The following VIL1 variants were observed in gnomAD, a reference collection of about 807,000 sequenced individuals.
VIL1 encodes the protein villin-1.
In VIL1, 86 loss-of-function variants were observed where a neutral mutation model predicts 104.0. That is an observed-to-expected ratio of 0.83 (90% CI 0.69 to 0.99). The LOEUF (loss-of-function observed/expected upper bound fraction) is 0.99, where lower values mean the gene tolerates loss of function less well. VIL1 is among the 50% of genes least tolerant of loss of function. VIL1 has a pLI of 0.00. For synonymous variants in VIL1, 394 were observed against 412.6 expected (o/e 0.95, Z 0.55); for missense variants, 944 against 1,054.1 (o/e 0.90, Z 1.45).
intron 10 of VIL1, 110 bp downstream of exon 10, chr2:218,430,988 CT>C: frequency 1.4e-6 from 2 of 1,386,998 alleles, no homozygotes; most frequent in Non-Finnish European, 2.0e-6. Context: ...TCAACGAAGA[CT>C]TTTACGCTGG....
intron 3 of VIL1, among the ~76,000 whole-genome samples, 177 bp from the exon 4 acceptor site, chr2:218,425,438 C>G (rs1278369366): frequency 1.3e-5 from 2 of 152,218 alleles, no homozygotes; most frequent in Non-Finnish European, 2.9e-5. Flanking sequence ...AGCCATGTCT[C>G]AGAGAGTCAA....
chr2:218,425,184 G>A (rs1032412443), intron 3 of VIL1, among the ~76,000 whole-genome samples: 4 of 152,172 alleles, frequency 2.6e-5, no homozygotes, highest in Admixed American at 2.6e-4. Context: ...GGATTCAAGC[G>A]ATTCTCGTGG....
At chr2:218,427,900 G>T in intron 4 of VIL1, 65 bp from the exon 5 acceptor site, 2 of 1,505,228 alleles carry the variant, frequency 1.3e-6, no homozygotes, top group South Asian at 2.3e-5. Flanking sequence ...GCCAGGACCT[G>T]GGAGAACAGG....
At chr2:218,448,438 G>T (rs974106681) in intron 19 of VIL1, among the ~76,000 whole-genome samples, 1 of 151,862 alleles carries the variant, frequency 6.6e-6, no homozygotes, top group African/African-American at 2.4e-5. Flanking sequence ...GGTGCCAGGT[G>T]CCTGTAGTCC....
At chr2:218,442,731 A>G (rs1006015892) in intron 19 of VIL1, among the ~76,000 whole-genome samples, 2 of 152,240 alleles carry the variant, frequency 1.3e-5, no homozygotes. Context: ...ACTCTGTATA[A>G]TAAGTCATAA....
chr2:218,440,766 C>T lies in VIL1; in HGVS notation c.2274C>T (p.Asn758=), dbSNP rs780169822. 1.9e-6 allele frequency: 3 copies of T among 1,614,042 alleles called. No individual in the cohort carries two copies. Among genetic ancestry groups the T allele is most frequent in the African/African-American group, 1.3e-5 (1 of 74,904 alleles). Residue 758 remains asparagine, a synonymous_variant, in exon 19 of 20, where the codon AAC becomes AAT. Coordinates refer to ENST00000248444, the MANE Select transcript of VIL1 (RefSeq NM_007127.3). The stretch of plus-strand genomic sequence containing the variant: ...TGGACGTGTTCAATGCTAACAGCAA[C>T]CTCAGTTCTGGGCCTCTGCCCATCT... ...PKVDVFNANS[N]LSSGPLPIFP... is the part of the protein sequence containing the mutation.
In VIL1 at chr2:218,425,906, G is replaced by T. The variant is rs560868844; in HGVS notation, c.347+95G>T. 28 of 1,341,870 alleles carry T rather than the reference G, an allele frequency of 2.1e-5. No individual in the cohort carries two copies. The South Asian group carries it at 3.4e-4, about 16-fold the overall frequency. The allele number at this position is 1,341,870 out of a possible 1,614,324, so 83.1% of individuals were successfully genotyped here. On this transcript the variant is annotated intron_variant, in intron 4 of 19. Coordinates refer to ENST00000248444, the MANE Select transcript of VIL1 (RefSeq NM_007127.3). ...TGAAGAGGCAGGGACACCCAGACCT[G>T]TTCAGGCCTGGGAAGAACACTTGGA...
chr2:218,433,932 CACA>C (rs1689141710), intron 13 of VIL1, among the ~76,000 whole-genome samples: 2 of 150,038 alleles, frequency 1.3e-5, no homozygotes, highest in Admixed American at 1.3e-4. Flanking sequence ...CGCTGTGGCT[CACA>C]ACTGTAATCC....
intron 4 of VIL1, among the ~76,000 whole-genome samples, chr2:218,427,080 G>A (rs1394134785): frequency 1.3e-5 from 2 of 152,088 alleles, no homozygotes; most frequent in East Asian, 1.9e-4. Flanking sequence ...ACAAGTTGAA[G>A]TTCTAGCTTA....
intron 1 of VIL1, among the ~76,000 whole-genome samples, chr2:218,420,428 CAAAAAAAAAAA>C (rs71064447): frequency 1.2e-5 from 1 of 80,234 alleles, no homozygotes; most frequent in Non-Finnish European, 2.3e-5. Flanking sequence ...GACTCTGTCT[CAAAAAAAAAAA>C]AAAAAAAAGA....
chr2:218,451,062 A>G lies in VIL1; in HGVS notation c.*1726A>G, dbSNP rs1689463993. 1 of 152,196 alleles carries G rather than the reference A, an allele frequency of 6.6e-6. No homozygotes were observed. Among genetic ancestry groups the G allele is most frequent in the South Asian group, 2.1e-4 (1 of 4,836 alleles). 9.4% of individuals were successfully genotyped at this position (152,196 alleles called of 1,614,324 possible). On this transcript the variant is annotated 3_prime_UTR_variant, in exon 20 of 20. Coordinates refer to ENST00000248444, the MANE Select transcript of VIL1 (RefSeq NM_007127.3). Reference sequence around the variant, plus strand: ...CCTAACAAATTAGAATTTTCCAATAAAAAATATATATTTTTTCAGATGTTA... The same window carrying G: ...CCTAACAAATTAGAATTTTCCAATAGAAAATATATATTTTTTCAGATGTTA...
rs1689124866 is a variant in VIL1, at chr2:218,432,896, G to T, written c.1445G>T (p.Gly482Val). The T allele has an allele frequency of 6.2e-7, 1 of 1,614,096 alleles. No homozygotes were observed. The highest frequency in any genetic ancestry group is 8.5e-7 in the Non-Finnish European group (1 of 1,180,042). ...CCAGTCCAGATCCGGGTCCCAATGG[G>T]CAAGGAGCCACCTCATCTTATGTCC... is the stretch of plus-strand genomic sequence containing the variant. ...GEPVQIRVPM[G>V]KEPPHLMSIF... The change falls in exon 13 of 20, where the codon GGC becomes GTC. Residue 482 changes from glycine (G) to valine (V), a missense_variant. By Grantham distance (109) the Gly-to-Val change is moderately radical. Coordinates refer to ENST00000248444, the MANE Select transcript of VIL1 (RefSeq NM_007127.3).
Position 218,431,861 on chromosome 2 carries a change from A to C in VIL1, c.1107A>C (p.Lys369Asn). 6.2e-7 allele frequency: 1 copy of C among 1,613,260 alleles called. No homozygotes were observed. Among genetic ancestry groups the C allele is most frequent in the Non-Finnish European group, 8.5e-7 (1 of 1,179,752 alleles). ...GKTHTVGSVA[K>N]VEQVKFDATS... ...TCATGATTTCCCCCACTCTAGCCAAAGTGGAACAGGTGAAGTTCGATGCCA... is the reference window on the plus strand; with the variant it reads ...TCATGATTTCCCCCACTCTAGCCAACGTGGAACAGGTGAAGTTCGATGCCA... Residue 369 changes from lysine to asparagine, a missense_variant, in exon 11 of 20, where the codon AAA becomes AAC. Physicochemically the swap from Lys to Asn is moderately conservative, Grantham distance 94. Coordinates refer to ENST00000248444, the MANE Select transcript of VIL1 (RefSeq NM_007127.3).
At position 218,436,479 on chromosome 2, in the gene VIL1, C is replaced by T; in HGVS notation, c.1827-3C>T. 6.2e-7 allele frequency: 1 copy of T among 1,613,122 alleles called. No individual in the cohort carries two copies. The highest frequency in any genetic ancestry group is 8.5e-7 in the Non-Finnish European group (1 of 1,179,540). On this transcript the variant is annotated splice_region_variant and splice_polypyrimidine_tract_variant and intron_variant, in intron 15 of 19. Coordinates refer to ENST00000248444, the MANE Select transcript of VIL1 (RefSeq NM_007127.3). ...CCAGTACAATCTTCTCTCCATCCTGCAGACTACAGGAAGAAAACCTGGTCA... is the reference window on the plus strand; with the variant it reads ...CCAGTACAATCTTCTCTCCATCCTGTAGACTACAGGAAGAAAACCTGGTCA...
intron 1 of VIL1, among the ~76,000 whole-genome samples, chr2:218,421,376 C>A (rs945905653): frequency 1.3e-5 from 2 of 151,984 alleles, no homozygotes; most frequent in Non-Finnish European, 2.9e-5. Context: ...CATGCCCTTC[C>A]CTGGTCTGGG....
intron 2 of VIL1, 71 bp from the exon 3 acceptor site, chr2:218,424,206 T>TG (rs1688939918): frequency 2.9e-6 from 4 of 1,402,692 alleles, no homozygotes; most frequent in Non-Finnish European, 4.0e-6. Flanking sequence ...CTCCTCCCCT[T>TG]GGGCCCTCCT....
chr2:218,419,643 T>C (rs1267219351), intron 1 of VIL1, among the ~76,000 whole-genome samples: 1 of 152,212 alleles, frequency 6.6e-6, no homozygotes, highest in Non-Finnish European at 1.5e-5. Flanking sequence ...TCCTGGCTCC[T>C]AGCATATGAG....
intron 4 of VIL1, among the ~76,000 whole-genome samples, chr2:218,426,588 C>T (rs1461868726): frequency 2.0e-5 from 3 of 151,086 alleles, no homozygotes; most frequent in African/African-American, 7.3e-5. Context: ...ACTACAGGCC[C>T]GAGCCACCAT....
intron 1 of VIL1, among the ~76,000 whole-genome samples, chr2:218,423,221 C>T (rs1472992938): frequency 6.6e-6 from 1 of 152,122 alleles, no homozygotes; most frequent in Non-Finnish European, 1.5e-5. Flanking sequence ...CATGGGGAAA[C>T]CCTGTCTCTA....
Sources: gnomAD v4.1 joint callset for allele counts (sites outside exome capture counted in the v4.1 genomes callset) on GRCh38, gnomAD v4.1.1 for gene constraint, MANE v1.5 for transcripts, NCBI Gene and HGNC (gene_info 2026-07-23, HGNC 2026-07-21) for gene names.